Variants in MON2 observed in about 807,000 individuals in gnomAD.
MON2 encodes protein MON2 homolog.
MON2 carries 84 observed loss-of-function variants against 208.6 expected under a neutral mutation model. The ratio of observed to expected loss-of-function variants is 0.40; its 90% CI spans 0.34 to 0.48. MON2 has a LOEUF of 0.48. MON2 is among the 20% of genes least tolerant of loss of function. The pLI is 0.59. For synonymous variants in MON2, 660 were observed against 694.0 expected (o/e 0.95, Z 0.77); for missense variants, 1,611 against 2,015.4 (o/e 0.80, Z 3.84).
chr12:62,538,845 T>C (rs1381839462), intron 19 of MON2, among the ~76,000 whole-genome samples: 1 of 152,104 alleles, frequency 6.6e-6, no homozygotes, highest in Non-Finnish European at 1.5e-5. Context: ...ATTGGGGTAA[T>C]ATAAGATTTA....
intron 2 of MON2, among the ~76,000 whole-genome samples, chr12:62,487,835 A>G (rs968358419): frequency 6.6e-6 from 1 of 152,188 alleles, no homozygotes; most frequent in Non-Finnish European, 1.5e-5. Context: ...CCTCCAGTCT[A>G]TATGGAAATA....
At chr12:62,499,135 A>G in intron 5 of MON2, 87 bp downstream of exon 5, 1 of 1,350,578 alleles carries the variant, frequency 7.4e-7, no homozygotes, top group Non-Finnish European at 1.0e-6. Context: ...CAGATGATCA[A>G]CATTATTATG....
intron 34 of MON2, among the ~76,000 whole-genome samples, chr12:62,589,566 G>A (rs1287894674): frequency 6.6e-6 from 1 of 151,866 alleles, no homozygotes; most frequent in African/African-American, 2.4e-5. Context: ...AAAAAGCCTG[G>A]GGCAGTGTCC....
rs540508662 is a variant in MON2 at position 62,520,106 on chromosome 12, A to G, written c.985-4409A>G. Among the ~76,000 whole-genome samples the G allele has an allele frequency of 1.6e-3, 246 of 152,266 alleles. 1 individual carries two copies. The highest frequency in any genetic ancestry group is 5.8e-3 in the African/African-American group (240 of 41,568). The stretch of plus-strand genomic sequence containing the variant: ...TTGGAATTACTGCGTGAGCCACCAC[A>G]CCCTGCCGACACTTTCTTACAGGTC... On this transcript the variant is annotated intron_variant, in intron 8 of 34. Coordinates refer to ENST00000393630, the MANE Select transcript of MON2 (RefSeq NM_015026.3).
intron 1 of MON2, among the ~76,000 whole-genome samples, chr12:62,468,979 G>A (rs1367993584): frequency 6.6e-6 from 1 of 151,986 alleles, no homozygotes; most frequent in African/African-American, 2.4e-5. Flanking sequence ...TGGAAATGGG[G>A]TCTCTGTGGC....
chr12:62,549,845 C>T lies in MON2; in HGVS notation c.2916+15C>T, dbSNP rs760765147. On this transcript the variant is annotated intron_variant, in intron 23 of 34. Transcript: ENST00000393630. ...TAGGTTTATTGGTAAGTATCATTGT[C>T]CTTAGAATATAATATAATTTAGAAA... 11 of 1,476,690 alleles carry T rather than the reference C, an allele frequency of 7.4e-6. No individual in the cohort carries two copies. The Admixed American group carries it at 2.1e-4, about 28-fold the overall frequency. The allele number at this position is 1,476,690 out of a possible 1,614,324, so 91.5% of individuals were successfully genotyped here. A position where few individuals can be genotyped will look rare whatever the true frequency, so the allele number is the denominator to read the frequency against.
At chr12:62,571,276 C>T in intron 29 of MON2, 116 bp from the exon 30 acceptor site, 11 of 779,388 alleles carry the variant, frequency 1.4e-5, no homozygotes, top group South Asian at 2.7e-5. Flanking sequence ...ATGAAAATAC[C>T]ATCCTTTTTA....
At chr12:62,554,000 A>G (rs779171640) in intron 24 of MON2, among the ~76,000 whole-genome samples, 1 of 152,182 alleles carries the variant, frequency 6.6e-6, no homozygotes, top group Non-Finnish European at 1.5e-5. Context: ...CCTGGCCAAT[A>G]TGGTGAAACC....
intron 20 of MON2, among the ~76,000 whole-genome samples, chr12:62,543,688 A>G (rs865863936): frequency 6.6e-6 from 1 of 152,036 alleles, no homozygotes; most frequent in Non-Finnish European, 1.5e-5. Context: ...CCTCACTGCA[A>G]CCGCCGCCTC....
In MON2 at chr12:62,488,584, G is replaced by A. The variant is rs980702267; in HGVS notation, c.175+4351G>A. Among the ~76,000 whole-genome samples, 3 of 152,232 alleles carry A rather than the reference G, an allele frequency of 2.0e-5. No individual in the cohort carries two copies. The South Asian group carries it at 6.2e-4, about 32-fold the overall frequency. On this transcript the variant is annotated intron_variant, in intron 2 of 34. Coordinates refer to ENST00000393630, the MANE Select transcript of MON2 (RefSeq NM_015026.3). ...ATATTTTAAGTAAATTAGGATAGCA[G>A]TGTGGAAGATATATTTCAGTGTATC...
At chr12:62,484,338 C>T in intron 2 of MON2, 105 bp downstream of exon 2, 5 of 683,928 alleles carry the variant, frequency 7.3e-6, no homozygotes. Flanking sequence ...ATCTCTTCCT[C>T]ATGCCCTAAC....
At chr12:62,496,881 A>G (rs1438270149) in intron 4 of MON2, among the ~76,000 whole-genome samples, 1 of 149,302 alleles carries the variant, frequency 6.7e-6, no homozygotes, top group African/African-American at 2.5e-5. Context: ...GGCACTATTC[A>G]CAATAGCAAA....
chr12:62,473,546 A>T (rs1241816911), intron 1 of MON2, among the ~76,000 whole-genome samples: 1 of 152,042 alleles, frequency 6.6e-6, no homozygotes, highest in Non-Finnish European at 1.5e-5. Flanking sequence ...TTCCCCTCTC[A>T]GTATTCCACA....
At chr12:62,564,536 A>G (rs1454352537) in intron 26 of MON2, among the ~76,000 whole-genome samples, 1 of 152,110 alleles carries the variant, frequency 6.6e-6, no homozygotes, top group East Asian at 1.9e-4. Context: ...ACACATTTGA[A>G]ATAATTAAAA....
At chr12:62,534,543 ATATAT>A (rs1458991222) in intron 12 of MON2, among the ~76,000 whole-genome samples, 1 of 21,926 alleles carries the variant, frequency 4.6e-5, no homozygotes, top group South Asian at 1.1e-3. Context: ...AAAAAAAAAA[ATATAT>A]ATATATATAT....
At chr12:62,489,487 A>G (rs762975630) in intron 2 of MON2, among the ~76,000 whole-genome samples, 73 of 151,836 alleles carry the variant, frequency 4.8e-4, no homozygotes, top group Non-Finnish European at 8.5e-4. Context: ...TAGGCCATTT[A>G]CCTTTTGATT....
intron 1 of MON2, among the ~76,000 whole-genome samples, chr12:62,468,221 A>G (rs1255547469): frequency 3.3e-5 from 5 of 151,422 alleles, no homozygotes; most frequent in African/African-American, 1.2e-4. Flanking sequence ...TTTTTAGTAG[A>G]AACAGGGTTT....
intron 25 of MON2, among the ~76,000 whole-genome samples, chr12:62,557,928 T>TTATATATATATATATATATATA (rs71086609): frequency 2.2e-5 from 1 of 46,130 alleles, no homozygotes; most frequent in Non-Finnish European, 3.6e-5. Flanking sequence ...ACGAATAGAT[T>TTATATATATATATATATATATA]TATATATATA....
chr12:62,521,987 G>A (rs2072068895), intron 8 of MON2, among the ~76,000 whole-genome samples: 1 of 152,166 alleles, frequency 6.6e-6, no homozygotes, highest in Non-Finnish European at 1.5e-5. Flanking sequence ...GAGGTCAGGA[G>A]TCCGAGACCA....
Sources: allele counts gnomAD v4.1 joint callset (sites outside exome capture counted in the v4.1 genomes callset), GRCh38; gene constraint gnomAD v4.1.1; transcripts MANE v1.5; gene names NCBI Gene and HGNC (gene_info 2026-07-23, HGNC 2026-07-21).